Variants in CHRNB3 observed in about 807,000 individuals in gnomAD.
The protein encoded by CHRNB3 is neuronal acetylcholine receptor subunit beta-3.
In CHRNB3, 37 loss-of-function variants were observed where a neutral mutation model predicts 40.6. That is an observed-to-expected ratio of 0.91 (90% confidence interval 0.70 to 1.20). CHRNB3 has a LOEUF of 1.20. Ranked by LOEUF, CHRNB3 falls within the 50% of genes most tolerant of loss-of-function variation. The pLI is 0.00. For missense variants in CHRNB3, 505 were observed against 551.2 expected, an observed-to-expected ratio of 0.92 and a Z score of 0.84; for synonymous variants, 207 against 207.1, an observed-to-expected ratio of 1.00 and a Z score of 0.00.
chr8:42,725,653 A>G lies in CHRNB3; in HGVS notation c.250-4941A>G, dbSNP rs1293076388. 7.2e-5 allele frequency: 76 copies of G among 1,053,334 alleles called. 1 individual carries two copies. Among genetic ancestry groups the G allele is most frequent in the Non-Finnish European group, 1.0e-4 (70 of 685,662 alleles). 65.2% of individuals were successfully genotyped at this position (1,053,334 alleles called of 1,614,324 possible). ...TTTGGTAGCATGACGGGCCACTGAG[A>G]GGTGGAAAGGGCACAAGAACCACGA... On this transcript the variant is annotated intron_variant, in intron 3 of 5. Coordinates refer to ENST00000289957, the MANE Select transcript of CHRNB3 (RefSeq NM_000749.5).
At chr8:42,721,521 G>T (rs1816217483) in intron 3 of CHRNB3, among the ~76,000 whole-genome samples, 1 of 152,038 alleles carries the variant, frequency 6.6e-6, no homozygotes. Context: ...CTCAGGAGCT[G>T]CAGACCAGCC....
intron 5 of CHRNB3, among the ~76,000 whole-genome samples, chr8:42,733,810 G>A (rs1485034223): frequency 2.0e-5 from 3 of 150,996 alleles, no homozygotes; most frequent in Non-Finnish European, 4.4e-5. Context: ...TGGCCAGAAT[G>A]GTCTCGAACT....
chr8:42,709,462 C>T (rs1165223096), intron 2 of CHRNB3, among the ~76,000 whole-genome samples: 2 of 151,690 alleles, frequency 1.3e-5, no homozygotes, highest in African/African-American at 4.9e-5. Context: ...TTCTATGATC[C>T]CCAAAGCCCC....
chr8:42,726,377 T>C, intron 3 of CHRNB3: 1 of 493,116 alleles, frequency 2.0e-6, no homozygotes, highest in Non-Finnish European at 3.5e-6. Flanking sequence ...ATCCCAAAAT[T>C]AAGTGAGGTA....
intron 3 of CHRNB3, chr8:42,721,798 C>T (rs972606499): frequency 2.6e-5 from 4 of 152,088 alleles, no homozygotes; most frequent in African/African-American, 9.7e-5. Context: ...TAAGAGTGTC[C>T]CACCTCTTTT....
rs986508440 is a variant in CHRNB3 at position 42,726,416 on chromosome 8, T to C, written c.250-4178T>C. Among the ~76,000 whole-genome samples the C allele has an allele frequency of 1.1e-4, 17 of 151,730 alleles. 1 individual carries two copies. The highest frequency in any genetic ancestry group is 3.6e-4 in the African/African-American group (15 of 41,292). ...CAGGTCACAGGACATACGGTCAAAATGCAAAAGTAGATTGTATATTTAGAT... is the reference window on the plus strand; with the variant it reads ...CAGGTCACAGGACATACGGTCAAAACGCAAAAGTAGATTGTATATTTAGAT... On this transcript the variant is annotated intron_variant, in intron 3 of 5. Transcript: ENST00000289957.
At chr8:42,718,669 T>C (rs1270276841) in intron 3 of CHRNB3, among the ~76,000 whole-genome samples, 2 of 52,724 alleles carry the variant, frequency 3.8e-5, no homozygotes, top group African/African-American at 1.1e-4. Context: ...CAAGACTCTG[T>C]CTCAAAAAAA....
rs1816300443 is a variant in CHRNB3 at position 42,725,886 on chromosome 8, A to C, written c.250-4708A>C. ...TGACTTTTACAAAGACACCACTAAA[A>C]ATTTTCTTTGGGCAAAGTCTCGCAA... is the stretch of plus-strand genomic sequence containing the variant. On this transcript the variant is annotated intron_variant, in intron 3 of 5. Coordinates refer to ENST00000289957, the MANE Select transcript of CHRNB3 (RefSeq NM_000749.5). 4 of 836,010 alleles carry C rather than the reference A, an allele frequency of 4.8e-6. No individual in the cohort carries two copies. The African/African-American group carries it at 6.6e-5, about 14-fold the overall frequency. The allele number at this position is 836,010 out of a possible 1,614,324, so 51.8% of individuals were successfully genotyped here.
intron 3 of CHRNB3, among the ~76,000 whole-genome samples, chr8:42,719,007 T>C (rs77200520): frequency 0.057 from 8,696 of 152,160 alleles, 322 homozygotes; most frequent in Middle Eastern, 0.11. Context: ...AGCTCTCAAG[T>C]CGGGAACTGC....
chr8:42,736,515 T>A lies in CHRNB3; in HGVS notation c.1274T>A (p.Val425Asp). 6.2e-7 allele frequency: 1 copy of A among 1,614,236 alleles called. No homozygotes were observed. The highest frequency in any genetic ancestry group is 8.5e-7 in the Non-Finnish European group (1 of 1,180,046). ...CAAGACTGGAAATTTGTAGCTCAAG[T>A]TCTTGACCGAATCTTCCTGTGGCTC... is the stretch of plus-strand genomic sequence containing the variant. ...VVQDWKFVAQVLDRIFLWLFL... is the reference protein window; with the variant it reads ...VVQDWKFVAQDLDRIFLWLFL... Residue 425 changes from valine to aspartate, a missense_variant, in exon 6 of 6, where the codon GTT (valine) becomes GAT (aspartate). Physicochemically the swap from Val to Asp is radical, Grantham distance 152. Coordinates refer to ENST00000289957, the MANE Select transcript of CHRNB3 (RefSeq NM_000749.5).
intron 3 of CHRNB3, among the ~76,000 whole-genome samples, chr8:42,711,909 T>A (rs1456621998): frequency 6.6e-6 from 1 of 152,134 alleles, no homozygotes; most frequent in East Asian, 1.9e-4. Flanking sequence ...CATCTTTGTG[T>A]CCATGGGTAC....
intron 3 of CHRNB3, chr8:42,725,998 G>A: frequency 8.7e-7 from 1 of 1,143,870 alleles, no homozygotes; most frequent in South Asian, 1.2e-5. Context: ...CAATTCCAAG[G>A]TGTGGTTTCA....
intron 3 of CHRNB3, among the ~76,000 whole-genome samples, chr8:42,723,007 T>C (rs984891854): frequency 6.6e-6 from 1 of 151,924 alleles, no homozygotes; most frequent in Non-Finnish European, 1.5e-5. Context: ...ATTACTTAGA[T>C]ATTTACTAAA....
intron 1 of CHRNB3, among the ~76,000 whole-genome samples, chr8:42,698,773 CT>C (rs1815723892): frequency 6.6e-6 from 1 of 152,174 alleles, no homozygotes; most frequent in South Asian, 2.1e-4. Flanking sequence ...GTTTTTCTGT[CT>C]TTATTATTCT....
chr8:42,727,373 G>C (rs1412551517), intron 3 of CHRNB3, among the ~76,000 whole-genome samples: 1 of 85,122 alleles, frequency 1.2e-5, no homozygotes, highest in Non-Finnish European at 2.4e-5. Flanking sequence ...ACTCTGTCTC[G>C]AAAAAAAAAA....
In CHRNB3 at chr8:42,727,952, A is replaced by C. The variant is rs573476551; in HGVS notation, c.250-2642A>C. Among the ~76,000 whole-genome samples, 86 of 152,332 alleles carry C rather than the reference A, an allele frequency of 5.6e-4. 2 individuals carry two copies. The highest frequency in any genetic ancestry group is 2.0e-3 in the African/African-American group (84 of 41,552). On this transcript the variant is annotated intron_variant, in intron 3 of 5. Coordinates refer to ENST00000289957, the MANE Select transcript of CHRNB3 (RefSeq NM_000749.5). ...CCTGTGTTAAGCAAAGATTTCTTAG[A>C]TATGACACAATCCATAAACAATAAA... is the stretch of plus-strand genomic sequence containing the variant.
At chr8:42,717,792 C>A (rs1483106205) in intron 3 of CHRNB3, among the ~76,000 whole-genome samples, 1 of 142,894 alleles carries the variant, frequency 7.0e-6, no homozygotes, top group Non-Finnish European at 1.5e-5. Flanking sequence ...ATGTCACTTT[C>A]TGTTGCCACC....
chr8:42,732,366 G>C lies in CHRNB3; in HGVS notation c.1059G>C (p.Val353=). Residue 353 remains valine, a synonymous_variant, in exon 5 of 6, where the codon GTG becomes GTC. Transcript: ENST00000289957. ...LPKLLCMKDH[V]DRYSSPEKEE... ...AATTACTTTGCATGAAAGATCATGT[G>C]GATCGCTACTCATCCCCAGAGAAAG... is the stretch of plus-strand genomic sequence containing the variant. 6.2e-7 allele frequency: 1 copy of C among 1,610,628 alleles called. No individual in the cohort carries two copies. Among genetic ancestry groups the C allele is most frequent in the Non-Finnish European group, 8.5e-7 (1 of 1,179,298 alleles).
At chr8:42,700,573 G>A (rs766087608) in intron 1 of CHRNB3, among the ~76,000 whole-genome samples, 158 of 152,224 alleles carry the variant, frequency 1.0e-3, no homozygotes, top group Middle Eastern at 3.4e-3. Context: ...ACCCGCTCCG[G>A]CCTCCCAAAG....
Sources: gnomAD v4.1 joint callset for allele counts (sites outside exome capture counted in the v4.1 genomes callset) on GRCh38, gnomAD v4.1.1 for gene constraint, MANE v1.5 for transcripts, NCBI Gene and HGNC (gene_info 2026-07-23, HGNC 2026-07-21) for gene names.